Variants in RYR1 observed in about 807,000 individuals in gnomAD.
RYR1 encodes central core disease of muscle.
A neutral mutation model predicts 583.5 loss-of-function variants in RYR1; 342 were observed. That is an observed-to-expected ratio of 0.59 (90% CI 0.54 to 0.64). The LOEUF (loss-of-function observed/expected upper bound fraction) is 0.64, where lower values mean the gene tolerates loss of function less well. Ranked by LOEUF, RYR1 falls within the 30% of genes least tolerant of loss-of-function variation. RYR1 has a pLI of 0.00. For synonymous variants in RYR1, 2,791 were observed against 2,822.5 expected (o/e 0.99, Z 0.35); for missense variants, 6,032 against 6,917.2 (o/e 0.87, Z 4.54).
Position 38,561,488 on chromosome 19 carries a change from C to T in RYR1, c.12624+34C>T, listed in dbSNP as rs1218337390. 4 of 1,584,944 alleles carry T rather than the reference C, an allele frequency of 2.5e-6. No homozygotes were observed. In the South Asian group the frequency reaches 3.4e-5, roughly 13 times the overall value. ...ACCCGCGCGCGTGCAAGCTCGCCTC[C>T]TGGGGCTTCGGGCATGCGGGTGCTC... On this transcript the variant is annotated intron_variant, in intron 90 of 105. Coordinates refer to ENST00000359596, the MANE Select transcript of RYR1 (RefSeq NM_000540.3). The surrounding 1 kb of genome is among the most constrained non-coding windows in gnomAD (Gnocchi z 4.8).
At chr19:38,475,239 G>T in intron 28 of RYR1, 79 bp from the exon 29 acceptor site, 1 of 1,540,450 alleles carries the variant, frequency 6.5e-7, no homozygotes, top group South Asian at 1.2e-5. Flanking sequence ...ATCCAAGCTG[G>T]ATGTGGGGGC....
At chr19:38,493,532 T>C (rs1467987024) in intron 38 of RYR1, among the ~76,000 whole-genome samples, 2 of 151,014 alleles carry the variant, frequency 1.3e-5, no homozygotes, top group African/African-American at 2.4e-5. Flanking sequence ...TTTTTTTTTT[T>C]TGAGGCAGGG....
Position 38,575,943 on chromosome 19 carries a change from C to T in RYR1, c.14154C>T (p.Asp4718=), listed in dbSNP as rs766325686. Residue 4718 remains aspartate, a synonymous_variant, in exon 97 of 106, where the codon GAC becomes GAT. Coordinates refer to ENST00000359596, the MANE Select transcript of RYR1 (RefSeq NM_000540.3). ...GGTCTTTCCCTAGCAACTACTGGGA[C>T]AAGTTTGTCAAGCGCAAGGTGAGAG... ...NTPSFPSNYW[D]KFVKRKVLDK... 1 of 1,614,214 alleles carries T rather than the reference C, an allele frequency of 6.2e-7. No homozygotes were observed. The highest frequency in any genetic ancestry group is 1.1e-5 in the South Asian group (1 of 91,086).
intron 22 of RYR1, 105 bp from the exon 23 acceptor site, chr19:38,464,534 G>A: frequency 1.1e-6 from 1 of 926,972 alleles, no homozygotes; most frequent in Non-Finnish European, 1.7e-6. Context: ...CCCAGGCACT[G>A]AAGCAGCAGA....
chr19:38,438,286 A>AT (rs1972512305), intron 1 of RYR1, among the ~76,000 whole-genome samples: 1 of 151,438 alleles, frequency 6.6e-6, no homozygotes, highest in South Asian at 2.1e-4. Flanking sequence ...AGCCTGGGTT[A>AT]TTTTTTCTAT....
intron 1 of RYR1, among the ~76,000 whole-genome samples, chr19:38,437,567 C>G (rs149289173): frequency 1.3e-5 from 2 of 152,052 alleles, no homozygotes; most frequent in Non-Finnish European, 2.9e-5. Flanking sequence ...GTAATCCCTT[C>G]GCTTTGGGAG....
chr19:38,444,731 A>G lies in RYR1; in HGVS notation c.631+54A>G. ...GAGATCCCCCCAAAACAGACCCTTA[A>G]TGTTGCCCTTCAGGCATACCCAAAT... On this transcript the variant is annotated intron_variant, in intron 7 of 105. Transcript: ENST00000359596. The surrounding 1 kb of genome is among the most constrained non-coding windows in gnomAD (Gnocchi z 5.1). 5.1e-6 allele frequency: 7 copies of G among 1,377,704 alleles called. 1 individual carries two copies. The highest frequency in any genetic ancestry group is 2.4e-5 in the South Asian group (2 of 83,502). 85.3% of individuals were successfully genotyped at this position (1,377,704 alleles called of 1,614,324 possible).
At position 38,464,278 on chromosome 19, in the gene RYR1, G is replaced by GAAAAA. The variant is rs547288253; in HGVS notation, c.2787-334_2787-330dup. Reference sequence around the variant, plus strand: ...GGCGACAGAGCGAGACACCGTTTCAGAAAAAAAAAAAAAAAAAAAAAAAAA... The same window carrying GAAAAA: ...GGCGACAGAGCGAGACACCGTTTCAGAAAAAAAAAAAAAAAAAAAAAAAAAAAAAA... On this transcript the variant is annotated intron_variant, in intron 22 of 105. Transcript: ENST00000359596. 4.4e-3 allele frequency among the ~76,000 whole-genome samples: 281 copies of GAAAAA among 64,236 alleles called. 4 individuals are homozygous for GAAAAA. Among genetic ancestry groups the GAAAAA allele is most frequent in the Non-Finnish European group, 6.1e-3 (229 of 37,240 alleles). 42.1% of individuals were successfully genotyped at this position (64,236 alleles called of 152,430 possible).
intron 24 of RYR1, 103 bp downstream of exon 24, chr19:38,466,501 CTTT>C (rs869097541): frequency 0.012 from 7,529 of 618,462 alleles, no homozygotes; most frequent in East Asian, 0.014. Flanking sequence ...TGGGCTATAT[CTTT>C]TTTTTTTTTT....
intron 24 of RYR1, 110 bp downstream of exon 24, chr19:38,466,508 T>A: frequency 9.2e-7 from 1 of 1,090,404 alleles, no homozygotes. Context: ...TATCTTTTTT[T>A]TTTTTTTTTT....
chr19:38,563,281 T>C (rs533144561), intron 90 of RYR1, among the ~76,000 whole-genome samples: 1 of 152,298 alleles, frequency 6.6e-6, no homozygotes, highest in Admixed American at 6.5e-5. Flanking sequence ...TTGTTGTTGT[T>C]TGAGACAGAG....
Position 38,504,920 on chromosome 19 carries a change from TG to T in RYR1, c.8231+14del, listed in dbSNP as rs767077031. On this transcript the variant is annotated intron_variant, in intron 51 of 105. Transcript: ENST00000359596. The stretch of plus-strand genomic sequence containing the variant: ...CCTGTGGAGACCCTCAAGTGAGGCC[TG>T]GGGGCTGGGAGACAGAGAGGAAGAT... 4 of 1,614,114 alleles carry T rather than the reference TG, an allele frequency of 2.5e-6. No homozygotes were observed. The highest frequency in any genetic ancestry group is 3.4e-6 in the Non-Finnish European group (4 of 1,180,018).
Position 38,469,006 on chromosome 19 carries a change from C to A in RYR1, c.3422C>A (p.Pro1141His). 1 of 1,614,160 alleles carries A rather than the reference C, an allele frequency of 6.2e-7. No individual in the cohort carries two copies. Among genetic ancestry groups the A allele is most frequent in the Non-Finnish European group, 8.5e-7 (1 of 1,180,026 alleles). The change falls in exon 26 of 106, where the codon CCC becomes CAC. Residue 1141 changes from proline (P) to histidine (H), a missense_variant. By Grantham distance (77) the Pro-to-His change is moderately conservative (BLOSUM62 -2). Around this residue, in one of 11 missense-constraint regions of RYR1, gnomAD observed 2,627 missense variants for 2,961.3 expected, o/e 0.89. Coordinates refer to ENST00000359596, the MANE Select transcript of RYR1 (RefSeq NM_000540.3). ...TTGGGCAGTGAACCATTTGGGCGCC[C>A]CTGGCAGCCGGGCGATGTCGTTGGC... ...WHLGSEPFGR[P>H]WQPGDVVGCM...
chr19:38,461,886 C>A (rs1349403185), intron 20 of RYR1, among the ~76,000 whole-genome samples: 3 of 152,064 alleles, frequency 2.0e-5, no homozygotes, highest in African/African-American at 7.2e-5. Context: ...GAAACCCCAT[C>A]TCTACTGAAA....
Position 38,451,814 on chromosome 19 carries a change from C to A in RYR1, c.1173C>A (p.Arg391=), listed in dbSNP as rs1253762975. ...GHMDDALSLT[R]CQQEESQAAR... ...TGGACGACGCACTGTCGCTGACCCG[C>A]TGCCAGCAGGAGGAGTCCCAGGCCG... The change falls in exon 12 of 106, where the codon CGC becomes CGA. Residue 391 remains arginine (R), a synonymous_variant. Transcript: ENST00000359596. 6.2e-7 allele frequency: 1 copy of A among 1,614,008 alleles called. No homozygotes were observed. Among genetic ancestry groups the A allele is most frequent in the Non-Finnish European group, 8.5e-7 (1 of 1,180,010 alleles).
intron 11 of RYR1, among the ~76,000 whole-genome samples, chr19:38,450,152 G>A (rs564066865): frequency 6.6e-6 from 1 of 152,288 alleles, no homozygotes; most frequent in South Asian, 2.1e-4. Context: ...CTACGGTCAG[G>A]GGACAGAGCC....
At position 38,473,407 on chromosome 19, in the gene RYR1, C is replaced by T. The variant is rs1268431994; in HGVS notation, c.3796C>T (p.Pro1266Ser). ...VSRVDGTVDT[P>S]PCLRLTHRTW... Reference sequence around the variant, plus strand: ...CCGAGTGGACGGCACTGTGGACACGCCCCCCTGCCTGCGCCTGACCCACCG... The same window carrying T: ...CCGAGTGGACGGCACTGTGGACACGTCCCCCTGCCTGCGCCTGACCCACCG... Residue 1266 changes from proline to serine, a missense_variant, in exon 28 of 106, where the codon CCC (proline) becomes TCC (serine). Pro to Ser is a moderately conservative substitution (Grantham distance 74). Transcript: ENST00000359596. The T allele has an allele frequency of 7.4e-6, 12 of 1,613,794 alleles. No homozygotes were observed. Among genetic ancestry groups the T allele is most frequent in the Non-Finnish European group, 9.3e-6 (11 of 1,179,950 alleles).
chr19:38,488,433 T>C (rs1969396303), intron 34 of RYR1, among the ~76,000 whole-genome samples: 1 of 152,138 alleles, frequency 6.6e-6, no homozygotes, highest in South Asian at 2.1e-4. Flanking sequence ...CATCTCTCTC[T>C]CTCCCCTGCA....
At chr19:38,571,481 A>G (rs1443673470) in intron 94 of RYR1, among the ~76,000 whole-genome samples, 1 of 152,050 alleles carries the variant, frequency 6.6e-6, no homozygotes, top group Non-Finnish European at 1.5e-5. Context: ...AAAAATACAA[A>G]AAAAAATTAG....
Sources: allele counts gnomAD v4.1 joint callset (sites outside exome capture counted in the v4.1 genomes callset), GRCh38; gene constraint gnomAD v4.1.1; regional missense constraint gnomAD v4.1.1; non-coding constraint Gnocchi (gnomAD v3.1); transcripts MANE v1.5; gene names NCBI Gene and HGNC (gene_info 2026-07-23, HGNC 2026-07-21).